MCM8: variants seen among roughly 807,000 people sequenced by gnomAD.
MCM8 encodes the protein DNA helicase MCM8.
A neutral mutation model predicts 98.9 loss-of-function variants in MCM8; 85 were observed. That is an observed-to-expected ratio of 0.86 (90% CI 0.72 to 1.03). The LOEUF (loss-of-function observed/expected upper bound fraction) is 1.03, where lower values mean the gene tolerates loss of function less well. MCM8 is among the 50% of genes least tolerant of loss of function. The pLI is 0.00. For synonymous variants in MCM8, 352 were observed against 338.6 expected (o/e 1.04, Z -0.44); for missense variants, 951 against 997.8 (o/e 0.95, Z 0.63).
rs1350898444 is a variant in MCM8, at chr20:5,950,701, A to G, written c.-328A>G. ...AAGCGCCAAAAAAGAATTTAGGGGA[A>G]GACCTGATTTTCGCTTGAGGCATTT... On this transcript the variant is annotated 5_prime_UTR_variant, in exon 1 of 19. Transcript: ENST00000610722. 10 of 316,980 alleles carry G rather than the reference A, an allele frequency of 3.2e-5. No individual in the cohort carries two copies. Among genetic ancestry groups the G allele is most frequent in the Non-Finnish European group, 4.7e-5 (8 of 170,894 alleles). 19.6% of individuals were successfully genotyped at this position (316,980 alleles called of 1,614,324 possible).
At chr20:5,957,084 G>A (rs1434440264) in intron 5 of MCM8, 42 bp from the exon 6 acceptor site, 2 of 1,335,568 alleles carry the variant, frequency 1.5e-6, no homozygotes, top group Non-Finnish European at 2.1e-6. Flanking sequence ...TAAAGAGGAT[G>A]TTTTGTTTTC....
chr20:5,956,777 G>A (rs78445953), intron 5 of MCM8, among the ~76,000 whole-genome samples: 3,657 of 152,072 alleles, frequency 0.024, 129 homozygotes, highest in African/African-American at 0.077. Flanking sequence ...GTCTTGATTG[G>A]TCAGTGAATA....
chr20:5,991,960 A>T (rs2089862238), intron 17 of MCM8, among the ~76,000 whole-genome samples: 1 of 152,218 alleles, frequency 6.6e-6, no homozygotes, highest in African/African-American at 2.4e-5. Flanking sequence ...ACAGTTGAAT[A>T]AGAAAATTCT....
rs117050919 is a variant in MCM8 at position 5,957,566 on chromosome 20, G to C, written c.590+337G>C. 0.011 allele frequency among the ~76,000 whole-genome samples: 1,624 copies of C among 152,230 alleles called. 142 individuals carry two copies. The East Asian group carries it at 0.23, about 22-fold the overall frequency. ...AATCTGAAAATCTGAAATCTGAAAT[G>C]CTCCAAAATTCAAAACTTTGAGCCC... On this transcript the variant is annotated intron_variant, in intron 6 of 18. Coordinates refer to ENST00000610722, the MANE Select transcript of MCM8 (RefSeq NM_032485.6).
At position 5,984,787 on chromosome 20, in the gene MCM8, G is replaced by A. The variant is rs1481590510; in HGVS notation, c.1740G>A (p.Gly580=). 1 of 1,607,544 alleles carries A rather than the reference G, an allele frequency of 6.2e-7. No individual in the cohort carries two copies. Among genetic ancestry groups the A allele is most frequent in the Admixed American group, 1.7e-5 (1 of 59,844 alleles). ...AKTVSENLKM[G]SALLSRFDLV... is the part of the protein sequence containing the mutation. ...TTTCTTTCATCCTTCATAGAATGGG[G>A]AGTGCACTACTATCCAGATTTGATT... is the stretch of plus-strand genomic sequence containing the variant. Residue 580 remains glycine, a synonymous_variant, in exon 15 of 19, where the codon GGG becomes GGA. Coordinates refer to ENST00000610722, the MANE Select transcript of MCM8 (RefSeq NM_032485.6).
In MCM8 at chr20:5,994,817, G is replaced by A. The variant is rs1167057294; in HGVS notation, c.*426G>A. On this transcript the variant is annotated 3_prime_UTR_variant, in exon 19 of 19. Coordinates refer to ENST00000610722, the MANE Select transcript of MCM8 (RefSeq NM_032485.6). Reference sequence around the variant, plus strand: ...TCAGCTACTTGTGAGGCTGAGGCAGGAGGATTCTTTGAGCCCAGGAGTTTG... The same window carrying A: ...TCAGCTACTTGTGAGGCTGAGGCAGAAGGATTCTTTGAGCCCAGGAGTTTG... 2 of 421,694 alleles carry A rather than the reference G, an allele frequency of 4.7e-6. No individual in the cohort carries two copies. The highest frequency in any genetic ancestry group is 9.4e-6 in the Non-Finnish European group (2 of 212,954). The allele number at this position is 421,694 out of a possible 1,614,324, so 26.1% of individuals were successfully genotyped here. A position where few individuals can be genotyped will look rare whatever the true frequency, so the allele number is the denominator to read the frequency against.
chr20:5,975,217 C>T lies in MCM8; in HGVS notation c.1395+2021C>T, dbSNP rs1192129743. On this transcript the variant is annotated intron_variant, in intron 12 of 18. Coordinates refer to ENST00000610722, the MANE Select transcript of MCM8 (RefSeq NM_032485.6). ...GAGAATGCAGGGAGCCATCGTTATG[C>T]AACTGTACCCCAGCCTGGGCAATAG... 2.6e-5 allele frequency among the ~76,000 whole-genome samples: 4 copies of T among 150,992 alleles called. No homozygotes were observed. In the East Asian group the frequency reaches 5.8e-4, roughly 22 times the overall value.
At chr20:5,963,879 A>C (rs1336881818) in intron 8 of MCM8, among the ~76,000 whole-genome samples, 1 of 152,218 alleles carries the variant, frequency 6.6e-6, no homozygotes, top group Non-Finnish European at 1.5e-5. Flanking sequence ...GATTCCAGAA[A>C]GGATTCATTA....
rs768476396 is a variant in MCM8 at position 5,968,169 on chromosome 20, C to G, written c.1223+144C>G. 3 of 546,902 alleles carry G rather than the reference C, an allele frequency of 5.5e-6. No individual in the cohort carries two copies. In the African/African-American group the frequency reaches 5.8e-5, roughly 11 times the overall value. The allele number at this position is 546,902 out of a possible 1,614,324, so 33.9% of individuals were successfully genotyped here. ...AGTACTCCATCCCCTTGAGTATGGC[C>G]TATGAACTAAGAATGGTTTTTATAT... is the stretch of plus-strand genomic sequence containing the variant. On this transcript the variant is annotated intron_variant, in intron 10 of 18. Transcript: ENST00000610722.
At chr20:5,984,709 A>G (rs1248974010) in intron 14 of MCM8, 72 bp from the exon 15 acceptor site, 1 of 1,260,174 alleles carries the variant, frequency 7.9e-7, no homozygotes, top group Non-Finnish European at 1.1e-6. Context: ...GTAGTAAATA[A>G]GTGAGTAGAC....
At chr20:5,975,446 C>T (rs1356946897) in intron 12 of MCM8, among the ~76,000 whole-genome samples, 1 of 150,890 alleles carries the variant, frequency 6.6e-6, no homozygotes, top group Non-Finnish European at 1.5e-5. Flanking sequence ...CTGTACAAAT[C>T]TCATAATTTA....
At chr20:5,988,779 A>G (rs1290798140) in intron 17 of MCM8, among the ~76,000 whole-genome samples, 1 of 152,254 alleles carries the variant, frequency 6.6e-6, no homozygotes, top group Non-Finnish European at 1.5e-5. Context: ...AGTAATTTCT[A>G]ATTCTTCTAA....
intron 8 of MCM8, among the ~76,000 whole-genome samples, chr20:5,966,700 G>T (rs146747193): frequency 6.6e-6 from 1 of 152,080 alleles, no homozygotes; most frequent in Non-Finnish European, 1.5e-5. Context: ...CAAAGATAGG[G>T]GTTTGGGCTA....
chr20:5,969,259 G>T lies in MCM8; in HGVS notation c.1223+1234G>T, dbSNP rs1019929841. Among the ~76,000 whole-genome samples, 7 of 152,234 alleles carry T rather than the reference G, an allele frequency of 4.6e-5. No individual in the cohort carries two copies. In the East Asian group the frequency reaches 1.4e-3, roughly 29 times the overall value. ...TGAATAATAGATATATCTAAGAGAGGTAAAGAACTGAGAACGTTTTGAAAT... is the reference window on the plus strand; with the variant it reads ...TGAATAATAGATATATCTAAGAGAGTTAAAGAACTGAGAACGTTTTGAAAT... On this transcript the variant is annotated intron_variant, in intron 10 of 18. Coordinates refer to ENST00000610722, the MANE Select transcript of MCM8 (RefSeq NM_032485.6).
intron 7 of MCM8, among the ~76,000 whole-genome samples, chr20:5,960,926 A>G (rs1323908939): frequency 1.3e-5 from 2 of 152,080 alleles, no homozygotes; most frequent in East Asian, 2.0e-4. Flanking sequence ...TAAGAGCGAA[A>G]CTCCGCCTCA....
At chr20:5,963,158 A>G in intron 7 of MCM8, 116 bp from the exon 8 acceptor site, 1 of 722,732 alleles carries the variant, frequency 1.4e-6, no homozygotes. Context: ...TTACTTTACT[A>G]GCATCCTGAG....
intron 8 of MCM8, among the ~76,000 whole-genome samples, chr20:5,967,153 A>G (rs1179837911): frequency 1.3e-5 from 2 of 152,210 alleles, no homozygotes; most frequent in Non-Finnish European, 2.9e-5. Flanking sequence ...GCTGGTTTCA[A>G]AAATTTCATT....
chr20:5,987,498 T>A (rs1454680895), intron 17 of MCM8, 140 bp downstream of exon 17: 2 of 618,040 alleles, frequency 3.2e-6, no homozygotes, highest in Non-Finnish European at 5.4e-6. Context: ...TTTCTTAGTT[T>A]AAAATATTTC....
intron 16 of MCM8, 125 bp from the exon 17 acceptor site, chr20:5,987,157 A>G: frequency 1.2e-6 from 1 of 851,102 alleles, no homozygotes; most frequent in Non-Finnish European, 1.8e-6. Flanking sequence ...TTGACTTTTG[A>G]TGTTATAACC....
Sources: gnomAD v4.1 joint callset for allele counts (sites outside exome capture counted in the v4.1 genomes callset) on GRCh38, gnomAD v4.1.1 for gene constraint, MANE v1.5 for transcripts, NCBI Gene and HGNC (gene_info 2026-07-23, HGNC 2026-07-21) for gene names.